CALB1: variants seen among roughly 807,000 people sequenced by gnomAD.
The protein encoded by CALB1 is calbindin.
In CALB1, 16 loss-of-function variants were observed where a neutral mutation model predicts 46.7. That is an observed-to-expected ratio of 0.34 (90% CI 0.23 to 0.52). CALB1 has a LOEUF of 0.52. CALB1 is among the 20% of genes least tolerant of loss of function. The pLI is 0.95. For synonymous variants in CALB1, 90 were observed against 112.8 expected (o/e 0.80, Z 1.28); for missense variants, 224 against 300.3 (o/e 0.75, Z 1.88).
At chr8:90,064,638 T>C (rs1230408362) in intron 6 of CALB1, among the ~76,000 whole-genome samples, 2 of 151,674 alleles carry the variant, frequency 1.3e-5, no homozygotes, top group Admixed American at 6.6e-5. Flanking sequence ...AATAGAAAAT[T>C]GATAAATGTA....
At chr8:90,075,080 C>T (rs924159888) in intron 3 of CALB1, among the ~76,000 whole-genome samples, 1 of 152,080 alleles carries the variant, frequency 6.6e-6, no homozygotes, top group Non-Finnish European at 1.5e-5. Flanking sequence ...TTAACAATCT[C>T]GTTATTTCTA....
intron 2 of CALB1, among the ~76,000 whole-genome samples, chr8:90,081,758 G>A (rs950725070): frequency 6.6e-6 from 1 of 151,338 alleles, no homozygotes; most frequent in Non-Finnish European, 1.5e-5. Context: ...GTCTCTCTCT[G>A]TCTGTCTCCC....
intron 9 of CALB1, chr8:90,062,656 A>G (rs150419407): frequency 1.0e-4 from 16 of 153,674 alleles, no homozygotes; most frequent in African/African-American, 3.4e-4. Context: ...TAGAATGGCT[A>G]TTATCAAAAA....
chr8:90,075,931 G>C lies in CALB1; in HGVS notation c.231+2442C>G, dbSNP rs1456504097. On this transcript the variant is annotated intron_variant, in intron 3 of 10. Coordinates refer to ENST00000265431, the MANE Select transcript of CALB1 (RefSeq NM_004929.4). ...GGAATGAGATCTAAGTCTGTATATA[G>C]AATTTGTCACTCCCTGCAAATGGGA... is the stretch of plus-strand genomic sequence containing the variant. Among the ~76,000 whole-genome samples, 5 of 151,984 alleles carry C rather than the reference G, an allele frequency of 3.3e-5. No homozygotes were observed. The East Asian group carries it at 9.6e-4, about 29-fold the overall frequency.
intron 9 of CALB1, 89 bp downstream of exon 9, chr8:90,063,011 C>T: frequency 2.3e-6 from 2 of 855,544 alleles, no homozygotes; most frequent in Non-Finnish European, 3.8e-6. Context: ...GTTTGCAGTA[C>T]TGTATTTTAT....
chr8:90,081,508 C>A (rs946482465), intron 2 of CALB1: 18 of 975,674 alleles, frequency 1.8e-5, no homozygotes, highest in Non-Finnish European at 1.9e-5. Context: ...CCATAATCTG[C>A]AGATCTGTTT....
intron 3 of CALB1, among the ~76,000 whole-genome samples, chr8:90,070,734 G>A (rs1814497073): frequency 6.6e-6 from 1 of 152,096 alleles, no homozygotes; most frequent in South Asian, 2.1e-4. Context: ...AGTGTGGGTA[G>A]ATGATAATAT....
At position 90,082,819 on chromosome 8, in the gene CALB1, G is replaced by A. The variant is rs576241252; in HGVS notation, c.-122C>T. 1.1e-4 allele frequency: 94 copies of A among 829,178 alleles called. 1 individual carries two copies. In the African/African-American group the frequency reaches 1.3e-3, roughly 12 times the overall value. The allele number at this position is 829,178 out of a possible 1,614,324, so 51.4% of individuals were successfully genotyped here. A position where few individuals can be genotyped will look rare whatever the true frequency, so the allele number is the denominator to read the frequency against. ...GCTGCGGAGGGAGACCTGGGCGCGG[G>A]CGCTGCCGGGCGCTGTCCTCGGTGC... On this transcript the variant is annotated 5_prime_UTR_variant, in exon 1 of 11. Coordinates refer to ENST00000265431, the MANE Select transcript of CALB1 (RefSeq NM_004929.4).
At chr8:90,073,717 A>C (rs2130243321) in intron 3 of CALB1, among the ~76,000 whole-genome samples, 1 of 152,266 alleles carries the variant, frequency 6.6e-6, no homozygotes, top group African/African-American at 2.4e-5. Flanking sequence ...GTAAGTTGAA[A>C]TCCCTTGCTG....
At chr8:90,078,872 C>T (rs949211002) in intron 2 of CALB1, among the ~76,000 whole-genome samples, 5 of 151,826 alleles carry the variant, frequency 3.3e-5, no homozygotes, top group African/African-American at 7.2e-5. Context: ...AATGTTTTAT[C>T]TATGGAGAGT....
intron 3 of CALB1, 178 bp downstream of exon 3, chr8:90,078,195 A>G (rs980110777): frequency 6.9e-5 from 31 of 447,704 alleles, no homozygotes; most frequent in Non-Finnish European, 7.0e-5. Flanking sequence ...ATACTCTTAG[A>G]TGTTTTTCAT....
At chr8:90,071,344 A>G (rs1004789129) in intron 3 of CALB1, among the ~76,000 whole-genome samples, 1 of 152,068 alleles carries the variant, frequency 6.6e-6, no homozygotes, top group African/African-American at 2.4e-5. Context: ...AATGATTTTC[A>G]TTATAAAGTA....
intron 3 of CALB1, chr8:90,078,170 G>A (rs1014369772): frequency 2.1e-5 from 8 of 375,300 alleles, no homozygotes; most frequent in Non-Finnish European, 2.8e-5. Context: ...ATGAAATTTA[G>A]GCCCTGGGTT....
intron 5 of CALB1, among the ~76,000 whole-genome samples, chr8:90,068,740 TTCTA>T (rs1396112399): frequency 9.2e-5 from 14 of 152,334 alleles, no homozygotes; most frequent in Middle Eastern, 3.4e-3. Context: ...TTATCTATAA[TTCTA>T]TCTGTCTGTC....
intron 1 of CALB1, 110 bp from the exon 2 acceptor site, chr8:90,082,212 C>T (rs986477872): frequency 2.0e-5 from 19 of 932,312 alleles, no homozygotes; most frequent in Non-Finnish European, 3.2e-5. Context: ...TCTCTCTTGC[C>T]TGGACGTTGA....
chr8:90,078,202 T>C (rs1437578130), intron 3 of CALB1, 171 bp downstream of exon 3: 3 of 456,390 alleles, frequency 6.6e-6, no homozygotes, highest in Non-Finnish European at 1.1e-5. Context: ...TAGATGTTTT[T>C]CATTTGTGAA....
intron 3 of CALB1, among the ~76,000 whole-genome samples, chr8:90,071,897 A>G (rs1814527242): frequency 6.6e-6 from 1 of 152,186 alleles, no homozygotes; most frequent in African/African-American, 2.4e-5. Context: ...CTAGACCATT[A>G]ATTTCAAGAG....
chr8:90,076,001 C>G (rs1259354564), intron 3 of CALB1, among the ~76,000 whole-genome samples: 1 of 152,058 alleles, frequency 6.6e-6, no homozygotes, highest in Non-Finnish European at 1.5e-5. Flanking sequence ...GTTTCTTCAT[C>G]CTTAAAATAA....
rs755360201 is a variant in CALB1 at position 90,063,331 on chromosome 8, A to G, written c.507-11T>C. The G allele has an allele frequency of 9.4e-6, 15 of 1,590,258 alleles. No individual in the cohort carries two copies. The African/African-American group carries it at 1.8e-4, about 19-fold the overall frequency. On this transcript the variant is annotated splice_polypyrimidine_tract_variant and intron_variant, in intron 7 of 10. Transcript: ENST00000265431. ...TGCACTGGTAGTAACCTTTTGAGAGAAAAACATTATATTAATATATTACAT... is the reference window on the plus strand; with the variant it reads ...TGCACTGGTAGTAACCTTTTGAGAGGAAAACATTATATTAATATATTACAT...
Sources: gnomAD v4.1 joint callset for allele counts (sites outside exome capture counted in the v4.1 genomes callset) on GRCh38, gnomAD v4.1.1 for gene constraint, MANE v1.5 for transcripts, NCBI Gene and HGNC (gene_info 2026-07-23, HGNC 2026-07-21) for gene names.